The following TEX9 variants were observed in gnomAD, a reference collection of about 807,000 sequenced individuals.
TEX9 encodes the protein testis-expressed protein 9.
Under a neutral mutation model 59.6 loss-of-function variants are expected in TEX9, and 74 were observed. The ratio of observed to expected loss-of-function variants is 1.24; its 90% CI spans 1.03 to 1.51. The LOEUF (loss-of-function observed/expected upper bound fraction) is 1.51. TEX9 is among the 40% of genes most tolerant of loss of function. The probability of loss-of-function intolerance (pLI) is 0.00; values close to 1 mark genes in which losing one functional copy is unlikely to be tolerated. For synonymous variants in TEX9, 186 were observed against 152.2 expected (o/e 1.22, Z -1.64); for missense variants, 522 against 447.8 (o/e 1.17, Z -1.49).
downstream of TEX9, chr15:56,447,080 A>G (rs2050910993): frequency 1.6e-6 from 1 of 610,390 alleles, no homozygotes; most frequent in Non-Finnish European, 2.8e-6. Context: ...CATAGGAGAA[A>G]TAATTCATTA....
At chr15:56,359,443 A>C (rs1439849356) in intron 1 of TEX9, among the ~76,000 whole-genome samples, 1 of 152,154 alleles carries the variant, frequency 6.6e-6, no homozygotes, top group African/African-American at 2.4e-5. Flanking sequence ...ACCTTAAATA[A>C]GTGGAATTAT....
chr15:56,284,553 C>T (rs1240042127), intron 1 of TEX9, among the ~76,000 whole-genome samples: 2 of 151,664 alleles, frequency 1.3e-5, no homozygotes, highest in South Asian at 2.1e-4. Context: ...ATTATTATTG[C>T]GTTAAAGAAG....
At chr15:56,291,412 A>T (rs375704171) in intron 1 of TEX9, among the ~76,000 whole-genome samples, 4 of 152,162 alleles carry the variant, frequency 2.6e-5, no homozygotes, top group Non-Finnish European at 5.9e-5. Context: ...CCTCCCCCCT[A>T]TTTATTATAT....
At chr15:56,274,216 A>G (rs1157957051) in intron 1 of TEX9, among the ~76,000 whole-genome samples, 1 of 152,096 alleles carries the variant, frequency 6.6e-6, no homozygotes, top group African/African-American at 2.4e-5. Context: ...GATAATTTCT[A>G]TTGACCTACA....
upstream of TEX9, among the ~76,000 whole-genome samples, chr15:56,360,833 C>T (rs1276564519): frequency 6.6e-6 from 1 of 152,164 alleles, no homozygotes; most frequent in Non-Finnish European, 1.5e-5. Flanking sequence ...TAAGGACAAC[C>T]TTTATACTCC....
chr15:56,341,690 AT>A, intron 1 of TEX9, among the ~76,000 whole-genome samples: 1 of 152,226 alleles, frequency 6.6e-6, no homozygotes, highest in East Asian at 1.9e-4. Context: ...GAGCAGAAAA[AT>A]AATAGTAATT....
chr15:56,272,698 A>G (rs909703644), intron 1 of TEX9, among the ~76,000 whole-genome samples: 1 of 152,222 alleles, frequency 6.6e-6, no homozygotes, highest in Non-Finnish European at 1.5e-5. Context: ...ACTGTTTCTC[A>G]TAGTGGCTGC....
At chr15:56,297,143 T>G (rs1246243684) in intron 1 of TEX9, among the ~76,000 whole-genome samples, 1 of 152,204 alleles carries the variant, frequency 6.6e-6, no homozygotes, top group Non-Finnish European at 1.5e-5. Context: ...GAACAGGGAA[T>G]GGCAACCGGC....
chr15:56,430,953 G>C (rs2050574282), intron 12 of TEX9, among the ~76,000 whole-genome samples: 1 of 152,154 alleles, frequency 6.6e-6, no homozygotes, highest in Non-Finnish European at 1.5e-5. Flanking sequence ...CTGAGGCCAA[G>C]AGTTCAAGAC....
At chr15:56,270,269 C>T (rs1314260206) in intron 1 of TEX9, among the ~76,000 whole-genome samples, 1 of 152,014 alleles carries the variant, frequency 6.6e-6, no homozygotes, top group African/African-American at 2.4e-5. Flanking sequence ...CATTATTATT[C>T]TGTGGGAGTC....
At chr15:56,459,442 A>T in the TEX9 span, among the ~76,000 whole-genome samples, 1 of 152,146 alleles carries the variant, frequency 6.6e-6, no homozygotes, top group Non-Finnish European at 1.5e-5. Context: ...TTTTATGTAG[A>T]TATATGCCTT....
In TEX9 at chr15:56,404,980, T is replaced by C. The variant is rs552037260; in HGVS notation, c.829-7322T>C. Among the ~76,000 whole-genome samples the C allele has an allele frequency of 3.3e-5, 5 of 152,142 alleles. No individual in the cohort carries two copies. In the East Asian group the frequency reaches 9.7e-4, roughly 29 times the overall value. On this transcript the variant is annotated intron_variant, in intron 9 of 12. Coordinates refer to ENST00000352903, the Ensembl canonical transcript of TEX9. ...GGAACATCACACACCAGGGCCTGTCTGGCGCTAGGGAGCTGGCAGGGGGAT... is the reference window on the plus strand; with the variant it reads ...GGAACATCACACACCAGGGCCTGTCCGGCGCTAGGGAGCTGGCAGGGGGAT...
intron 1 of TEX9, among the ~76,000 whole-genome samples, chr15:56,333,548 C>T (rs1389016684): frequency 5.3e-5 from 8 of 149,608 alleles, no homozygotes; most frequent in Admixed American, 5.3e-4. Context: ...CCATAGATGA[C>T]AGAACCATAG....
intron 9 of TEX9, among the ~76,000 whole-genome samples, chr15:56,404,436 A>G (rs1448983516): frequency 6.6e-6 from 1 of 152,230 alleles, no homozygotes; most frequent in African/African-American, 2.4e-5. Context: ...GCAATGAGAT[A>G]CCATTTCACA....
chr15:56,265,333 T>A (rs1429354481), intron 1 of TEX9, among the ~76,000 whole-genome samples: 7 of 151,870 alleles, frequency 4.6e-5, no homozygotes, highest in African/African-American at 1.4e-4. Context: ...GGCCCAGCTT[T>A]TTTTTTATTT....
At chr15:56,399,450 G>A (rs549899912) in intron 9 of TEX9, among the ~76,000 whole-genome samples, 5 of 152,366 alleles carry the variant, frequency 3.3e-5, no homozygotes, top group South Asian at 2.1e-4. Context: ...TAAACAAAGC[G>A]GCCGGGAAGC....
chr15:56,381,657 G>A (rs1245842333), intron 3 of TEX9, among the ~76,000 whole-genome samples: 1 of 152,188 alleles, frequency 6.6e-6, no homozygotes, highest in Admixed American at 6.5e-5. Flanking sequence ...AATTCTCTGG[G>A]TTACCAGACA....
chr15:56,344,059 C>T (rs1363098080), intron 1 of TEX9, among the ~76,000 whole-genome samples: 3 of 152,176 alleles, frequency 2.0e-5, no homozygotes, highest in Admixed American at 1.3e-4. Flanking sequence ...CTCTCTTACA[C>T]TGCTGGTGAG....
intron 12 of TEX9, among the ~76,000 whole-genome samples, chr15:56,438,482 C>T (rs1333851797): frequency 3.3e-5 from 5 of 152,040 alleles, no homozygotes; most frequent in Admixed American, 3.3e-4. Context: ...ACACCTTATA[C>T]AAAAATTAAT....
Sources: gnomAD v4.1 joint callset for allele counts (sites outside exome capture counted in the v4.1 genomes callset) on GRCh38, gnomAD v4.1.1 for gene constraint, MANE v1.5 for transcripts, NCBI Gene and HGNC (gene_info 2026-07-23, HGNC 2026-07-21) for gene names.